RANGAP1: variants seen among roughly 807,000 people sequenced by gnomAD.
RANGAP1 encodes the protein ran GTPase-activating protein 1.
Under a neutral mutation model 63.5 loss-of-function variants are expected in RANGAP1, and 38 were observed. That is an observed-to-expected ratio of 0.60 (90% CI 0.46 to 0.78). The LOEUF (loss-of-function observed/expected upper bound fraction) is 0.78. Ranked by LOEUF, RANGAP1 falls within the 30% of genes least tolerant of loss-of-function variation. RANGAP1 has a pLI of 0.00. For missense variants in RANGAP1, 630 were observed against 740.3 expected, an observed-to-expected ratio of 0.85 and a Z score of 1.73; for synonymous variants, 329 against 310.5, an observed-to-expected ratio of 1.06 and a Z score of -0.63.
intron 2 of RANGAP1, 118 bp downstream of exon 2, chr22:41,280,815 G>C (rs2145846844): frequency 6.5e-7 from 1 of 1,540,766 alleles, no homozygotes; most frequent in East Asian, 2.3e-5. Context: ...ATACCTCACA[G>C]AGCTGCTGGG....
At chr22:41,274,876 A>G in intron 2 of RANGAP1, 149 bp from the exon 3 acceptor site, 1 of 1,024,774 alleles carries the variant, frequency 9.8e-7, no homozygotes, top group Non-Finnish European at 1.4e-6. Flanking sequence ...AGACAGGCTC[A>G]TGGTCCAGAG....
In RANGAP1 at chr22:41,281,077, T is replaced by C. The variant is rs911024488; in HGVS notation, c.-33A>G. 1.9e-6 allele frequency: 3 copies of C among 1,551,718 alleles called. No homozygotes were observed. The highest frequency in any genetic ancestry group is 2.6e-6 in the Non-Finnish European group (3 of 1,155,426). On this transcript the variant is annotated 5_prime_UTR_variant, in exon 2 of 16. Coordinates refer to ENST00000356244, the MANE Select transcript of RANGAP1 (RefSeq NM_002883.4). ...AGGCTGGTGGGCTCCCCTGGAGATC[T>C]GCAGACTGAGGAGGCCAAAGTTGCA...
the RANGAP1 span, among the ~76,000 whole-genome samples, chr22:41,296,412 C>T: frequency 2.0e-5 from 3 of 152,052 alleles, no homozygotes. Flanking sequence ...TCTGGGAGGC[C>T]GAGGTGAGTG....
In RANGAP1 at chr22:41,286,080, C is replaced by G. The variant is rs1034083127; in HGVS notation, c.-133G>C. ...TTTAGGGTCCGGGTCAGGCCGGGGT[C>G]GCCACCTCCGGATCCAGCGGTCCAG... On this transcript the variant is annotated 5_prime_UTR_variant, in exon 1 of 16. Coordinates refer to ENST00000356244, the MANE Select transcript of RANGAP1 (RefSeq NM_002883.4). The G allele has an allele frequency of 6.6e-6, 1 of 152,278 alleles. No homozygotes were observed. The highest frequency in any genetic ancestry group is 2.4e-5 in the African/African-American group (1 of 41,454). 9.4% of individuals were successfully genotyped at this position (152,278 alleles called of 1,614,324 possible). A position where few individuals can be genotyped will look rare whatever the true frequency, so the allele number is the denominator to read the frequency against.
intron 10 of RANGAP1, chr22:41,254,779 T>C: frequency 2.8e-6 from 1 of 353,464 alleles, no homozygotes; most frequent in East Asian, 1.7e-4. Flanking sequence ...GAGACCATCC[T>C]GGCTAACGTG....
chr22:41,285,870 C>T (rs2035727289), intron 1 of RANGAP1, 116 bp downstream of exon 1: 1 of 253,810 alleles, frequency 3.9e-6, no homozygotes, highest in Non-Finnish European at 6.2e-6. Flanking sequence ...CCGTCGAAGG[C>T]TAAGTGAAGA....
chr22:41,258,207 G>A lies in RANGAP1; in HGVS notation c.616-101C>T, dbSNP rs907208423. The A allele has an allele frequency of 1.1e-4, 141 of 1,335,976 alleles. 2 individuals are homozygous for A. The South Asian group carries it at 1.3e-3, about 12-fold the overall frequency. The allele number at this position is 1,335,976 out of a possible 1,614,324, so 82.8% of individuals were successfully genotyped here. A position where few individuals can be genotyped will look rare whatever the true frequency, so the allele number is the denominator to read the frequency against. On this transcript the variant is annotated intron_variant, in intron 6 of 15. Coordinates refer to ENST00000356244, the MANE Select transcript of RANGAP1 (RefSeq NM_002883.4). The stretch of plus-strand genomic sequence containing the variant: ...ACAGCAGGCACAGGAATGGGCTGCC[G>A]CCAGCACAGGGCAGGGGCCTGTCTG...
intron 12 of RANGAP1, among the ~76,000 whole-genome samples, chr22:41,251,600 G>A (rs764229129): frequency 2.0e-5 from 3 of 150,296 alleles, no homozygotes; most frequent in African/African-American, 2.5e-5. Context: ...CACTCCAGCC[G>A]GAGTCACAAA....
intron 2 of RANGAP1, among the ~76,000 whole-genome samples, chr22:41,277,163 C>T (rs1293645066): frequency 2.8e-5 from 4 of 145,220 alleles, no homozygotes; most frequent in Non-Finnish European, 4.6e-5. Context: ...CTGCAAGCTC[C>T]GCCTCCCGGG....
rs544053628 is a variant in RANGAP1 at position 41,251,368 on chromosome 22, G to A, written c.1381-259C>T. Reference sequence around the variant, plus strand: ...CAGCCGGGTGTGGCGGCTCATGCCTGTAACCCCAGCACTTTGGGAGGCTGA... The same window carrying A: ...CAGCCGGGTGTGGCGGCTCATGCCTATAACCCCAGCACTTTGGGAGGCTGA... On this transcript the variant is annotated intron_variant, in intron 12 of 15. Coordinates refer to ENST00000356244, the MANE Select transcript of RANGAP1 (RefSeq NM_002883.4). 5.9e-5 allele frequency among the ~76,000 whole-genome samples: 9 copies of A among 152,336 alleles called. 1 individual carries two copies. The South Asian group carries it at 1.5e-3, about 25-fold the overall frequency.
At chr22:41,258,838 G>A (rs531357694) in intron 6 of RANGAP1, among the ~76,000 whole-genome samples, 12 of 152,278 alleles carry the variant, frequency 7.9e-5, no homozygotes, top group African/African-American at 2.9e-4. Flanking sequence ...ATTTTTAGTA[G>A]AGATGGAGGT....
At position 41,268,173 on chromosome 22, in the gene RANGAP1, A is replaced by C; in HGVS notation, c.241-17T>G. On this transcript the variant is annotated splice_polypyrimidine_tract_variant and intron_variant, in intron 3 of 15. Transcript: ENST00000356244. ...GTGGCAGCGCTGCAACGGAAAGAAG[A>C]GAAGAGTTAGCGGGAGAGAGACCCC... The C allele has an allele frequency of 1.3e-6, 2 of 1,537,440 alleles. No individual in the cohort carries two copies. The highest frequency in any genetic ancestry group is 1.8e-6 in the Non-Finnish European group (2 of 1,133,728).
chr22:41,299,877 G>C, the RANGAP1 span, among the ~76,000 whole-genome samples: 6 of 151,986 alleles, frequency 3.9e-5, no homozygotes, highest in African/African-American at 1.4e-4. Context: ...TCAGCCTCCT[G>C]TGTAGCTGGG....
At chr22:41,249,263 C>T (rs1029438425) in intron 15 of RANGAP1, 67 bp downstream of exon 15, 43 of 1,509,536 alleles carry the variant, frequency 2.8e-5, no homozygotes, top group East Asian at 1.4e-4. Context: ...CGGAACCGGG[C>T]GCCTTCAGAC....
chr22:41,300,479 CAT>C, the RANGAP1 span, among the ~76,000 whole-genome samples: 14 of 28,664 alleles, frequency 4.9e-4, 1 homozygote, highest in East Asian at 1.7e-3. Context: ...CACACACACA[CAT>C]ATATTTCTGG....
At chr22:41,290,506 G>T (rs2035826924), upstream of RANGAP1, among the ~76,000 whole-genome samples, 1 of 152,158 alleles carries the variant, frequency 6.6e-6, no homozygotes, top group Non-Finnish European at 1.5e-5. Flanking sequence ...TGGGATTACA[G>T]GTGTGAGCCA....
At chr22:41,295,136 CGGCCGCCCCT>C in the RANGAP1 span, among the ~76,000 whole-genome samples, 24 of 136,250 alleles carry the variant, frequency 1.8e-4, no homozygotes, top group East Asian at 0.013. Context: ...CGCCTCTGCC[CGGCCGCCCCT>C]ACTGGGAAGT....
chr22:41,277,262 T>C (rs1256151086), intron 2 of RANGAP1, among the ~76,000 whole-genome samples: 1 of 151,614 alleles, frequency 6.6e-6, no homozygotes, highest in Non-Finnish European at 1.5e-5. Context: ...TAGTTTTTAG[T>C]AGAGACGGGG....
chr22:41,291,274 G>A, the RANGAP1 span, among the ~76,000 whole-genome samples: 1 of 152,284 alleles, frequency 6.6e-6, no homozygotes, highest in Admixed American at 6.5e-5. Flanking sequence ...GGTACCAAAT[G>A]GTTTCTGGCA....
Sources: allele counts gnomAD v4.1 joint callset (sites outside exome capture counted in the v4.1 genomes callset), GRCh38; gene constraint gnomAD v4.1.1; transcripts MANE v1.5; gene names NCBI Gene and HGNC (gene_info 2026-07-23, HGNC 2026-07-21).